ERBIN: variants seen among roughly 807,000 people sequenced by gnomAD.
ERBIN encodes erbb2 interacting protein, also known as densin-180-like protein.
ERBIN carries 60 observed loss-of-function variants against 158.4 expected under a neutral mutation model. The observed-to-expected ratio is 0.38, with a 90% CI of 0.31 to 0.47. ERBIN has a LOEUF of 0.47. ERBIN is among the 20% of genes least tolerant of loss of function. The probability of loss-of-function intolerance (pLI) is 0.99; values close to 1 mark genes in which losing one functional copy is unlikely to be tolerated. For missense variants in ERBIN, 1,610 were observed against 1,648.0 expected, an observed-to-expected ratio of 0.98 and a Z score of 0.40; for synonymous variants, 594 against 557.2, an observed-to-expected ratio of 1.07 and a Z score of -0.93.
intron 1 of ERBIN, among the ~76,000 whole-genome samples, chr5:65,953,305 CTTG>C (rs1328149344): frequency 6.6e-6 from 1 of 152,130 alleles, no homozygotes; most frequent in African/African-American, 2.4e-5. Flanking sequence ...GCTTTGGAAG[CTTG>C]TTGAGGGCTG....
chr5:65,937,997 C>T (rs1744299700), intron 1 of ERBIN, among the ~76,000 whole-genome samples: 3 of 152,128 alleles, frequency 2.0e-5, no homozygotes, highest in African/African-American at 7.2e-5. Context: ...GATAACTTTA[C>T]GATAGCATAT....
rs74638322 is a variant in ERBIN at position 65,971,396 on chromosome 5, A to G, written c.-57-17239A>G. 7.9e-3 allele frequency among the ~76,000 whole-genome samples: 1,210 copies of G among 152,276 alleles called. 13 individuals carry two copies. The highest frequency in any genetic ancestry group is 0.028 in the African/African-American group (1,148 of 41,554). The stretch of plus-strand genomic sequence containing the variant: ...AGATAGAGACAGAGTGATTTGCAAA[A>G]TAATGGAGGATCATATTTATATATG... On this transcript the variant is annotated intron_variant, in intron 1 of 25. Transcript: ENST00000284037.
At chr5:65,986,186 C>A (rs949379810) in intron 1 of ERBIN, among the ~76,000 whole-genome samples, 2 of 152,206 alleles carry the variant, frequency 1.3e-5, no homozygotes, top group African/African-American at 4.8e-5. Context: ...TGGATCTCTT[C>A]CCACATCTCT....
intron 19 of ERBIN, among the ~76,000 whole-genome samples, chr5:66,050,073 A>G (rs1451188112): frequency 6.6e-6 from 1 of 152,212 alleles, no homozygotes; most frequent in Non-Finnish European, 1.5e-5. Flanking sequence ...GTATGAAATA[A>G]TTTCTTGCCC....
At chr5:66,050,616 A>G (rs972218391) in intron 19 of ERBIN, among the ~76,000 whole-genome samples, 167 bp from the exon 20 acceptor site, 1 of 152,054 alleles carries the variant, frequency 6.6e-6, no homozygotes, top group Non-Finnish European at 1.5e-5. Context: ...AAAATTATTT[A>G]ATCTTTGTAT....
intron 21 of ERBIN, 83 bp from the exon 22 acceptor site, chr5:66,072,086 C>G: frequency 5.0e-6 from 7 of 1,413,400 alleles, no homozygotes; most frequent in African/African-American, 1.5e-5. Flanking sequence ...AATATTTTTT[C>G]CTAATCTTCT....
At position 66,078,622 on chromosome 5, in the gene ERBIN, AG is replaced by A; in HGVS notation, c.*93del. On this transcript the variant is annotated 3_prime_UTR_variant, in exon 26 of 26. Transcript: ENST00000284037. ...ATATTTTGACTATTTTTATATATAA[AG>A]AAGAACTCAAAAAATTATGTTCAAA... 1.3e-6 allele frequency: 1 copy of A among 773,616 alleles called. No homozygotes were observed. The highest frequency in any genetic ancestry group is 2.2e-6 in the Non-Finnish European group (1 of 465,064). 47.9% of individuals were successfully genotyped at this position (773,616 alleles called of 1,614,324 possible).
intron 1 of ERBIN, among the ~76,000 whole-genome samples, chr5:65,933,435 C>T (rs545805759): frequency 7.9e-5 from 12 of 152,294 alleles, no homozygotes; most frequent in South Asian, 6.2e-4. Flanking sequence ...CCTTTTGGTA[C>T]AGGTGCTTAC....
Position 66,054,085 on chromosome 5 carries a change from C to A in ERBIN, c.2767C>A (p.Pro923Thr), listed in dbSNP as rs778147857. The stretch of plus-strand genomic sequence containing the variant: ...GTCTGCCACACTGTTGTATGATCAA[C>A]CATTGCAGGTATTTACTGGTTCTTC... ...SKSATLLYDQPLQVFTGSSSS... is the reference protein window; with the variant it reads ...SKSATLLYDQTLQVFTGSSSS... The change falls in exon 21 of 26, where the codon CCA (proline) becomes ACA (threonine). Residue 923 changes from proline to threonine, a missense_variant. Transcript: ENST00000284037. The A allele has an allele frequency of 1.2e-6, 2 of 1,614,168 alleles. No homozygotes were observed. The highest frequency in any genetic ancestry group is 3.3e-5 in the Admixed American group (2 of 60,020).
At chr5:65,996,632 T>C (rs1218552410) in intron 4 of ERBIN, among the ~76,000 whole-genome samples, 24 of 152,114 alleles carry the variant, frequency 1.6e-4, no homozygotes, top group African/African-American at 4.6e-4. Context: ...TGTGGCTCCA[T>C]ATGAATCATA....
Position 66,025,476 on chromosome 5 carries a change from T to C in ERBIN, c.818-4T>C, listed in dbSNP as rs1213809297. ...AAATTGTATGTTGTTTCTTCCCTCATTAGGTTCGTTGAAGAATATAACAAC... is the reference window on the plus strand; with the variant it reads ...AAATTGTATGTTGTTTCTTCCCTCACTAGGTTCGTTGAAGAATATAACAAC... On this transcript the variant is annotated splice_polypyrimidine_tract_variant and splice_region_variant and intron_variant, in intron 10 of 25. Coordinates refer to ENST00000284037, the MANE Select transcript of ERBIN (RefSeq NM_001253697.2). 4 of 1,605,574 alleles carry C rather than the reference T, an allele frequency of 2.5e-6. No individual in the cohort carries two copies. The highest frequency in any genetic ancestry group is 3.4e-6 in the Non-Finnish European group (4 of 1,172,882).
In ERBIN at chr5:65,972,431, C is replaced by T. The variant is rs553806449; in HGVS notation, c.-57-16204C>T. Among the ~76,000 whole-genome samples, 4 of 151,386 alleles carry T rather than the reference C, an allele frequency of 2.6e-5. No individual in the cohort carries two copies. The South Asian group carries it at 8.3e-4, about 31-fold the overall frequency. ...TGACCTTTGATTATATTTCAACATGCATAAAGTACTTTAGAGAGATGGGGA... is the reference window on the plus strand; with the variant it reads ...TGACCTTTGATTATATTTCAACATGTATAAAGTACTTTAGAGAGATGGGGA... On this transcript the variant is annotated intron_variant, in intron 1 of 25. Transcript: ENST00000284037.
intron 1 of ERBIN, among the ~76,000 whole-genome samples, chr5:65,948,413 A>G (rs1025069587): frequency 1.3e-5 from 2 of 151,906 alleles, no homozygotes; most frequent in Non-Finnish European, 2.9e-5. Flanking sequence ...TTGAGCTCAA[A>G]TGATTCTCCT....
intron 4 of ERBIN, among the ~76,000 whole-genome samples, chr5:66,007,076 A>G (rs914880935): frequency 1.3e-5 from 2 of 151,790 alleles, no homozygotes; most frequent in African/African-American, 4.9e-5. Flanking sequence ...GCTGCTATTA[A>G]GACACATGCA....
chr5:65,960,575 A>G (rs1271540823), intron 1 of ERBIN, among the ~76,000 whole-genome samples: 2 of 152,172 alleles, frequency 1.3e-5, no homozygotes, highest in African/African-American at 4.8e-5. Flanking sequence ...GATGATTCTC[A>G]TGTGCCGCCA....
intron 15 of ERBIN, among the ~76,000 whole-genome samples, chr5:66,040,001 G>A (rs1214986480): frequency 1.3e-5 from 2 of 151,902 alleles, no homozygotes; most frequent in Admixed American, 6.6e-5. Flanking sequence ...CCTATAGAAG[G>A]TAAAGAGTTT....
Position 66,021,399 on chromosome 5 carries a change from A to C in ERBIN, c.597+14A>C. The C allele has an allele frequency of 6.5e-7, 1 of 1,549,950 alleles. No homozygotes were observed. The highest frequency in any genetic ancestry group is 8.8e-7 in the Non-Finnish European group (1 of 1,134,694). ...TTCACGGAAGTGGTAAGTTCTCATC[A>C]GTCTCACTTTCCCTAAGTTCTTATA... On this transcript the variant is annotated intron_variant, in intron 8 of 25. Coordinates refer to ENST00000284037, the MANE Select transcript of ERBIN (RefSeq NM_001253697.2).
At chr5:65,955,211 G>C (rs1389951562) in intron 1 of ERBIN, among the ~76,000 whole-genome samples, 1 of 152,112 alleles carries the variant, frequency 6.6e-6, no homozygotes. Context: ...TAGCACATAG[G>C]GGGGCCAACA....
At chr5:66,075,862 GATAA>G (rs540317062) in intron 23 of ERBIN, among the ~76,000 whole-genome samples, 110 of 152,018 alleles carry the variant, frequency 7.2e-4, no homozygotes, top group African/African-American at 2.6e-3. Context: ...AAACAGATTT[GATAA>G]ATAAAGAGTT....
Sources: gnomAD v4.1 joint callset for allele counts (sites outside exome capture counted in the v4.1 genomes callset) on GRCh38, gnomAD v4.1.1 for gene constraint, MANE v1.5 for transcripts, NCBI Gene and HGNC (gene_info 2026-07-23, HGNC 2026-07-21) for gene names.